The following ADAMDEC1 variants were observed in gnomAD, a reference collection of about 807,000 sequenced individuals.
ADAMDEC1 encodes the protein ADAM DEC1.
A neutral mutation model predicts 60.4 loss-of-function variants in ADAMDEC1; 62 were observed. The ratio of observed to expected loss-of-function variants is 1.03; its 90% CI spans 0.84 to 1.27. The LOEUF is 1.27. ADAMDEC1 is among the 50% of genes most tolerant of loss of function. ADAMDEC1 has a pLI of 0.00. For synonymous variants in ADAMDEC1, 210 were observed against 195.1 expected, an observed-to-expected ratio of 1.08 and a Z score of -0.64; for missense variants, 595 against 565.0, an observed-to-expected ratio of 1.05 and a Z score of -0.54.
chr8:24,400,970 CA>C (rs1237273070), intron 11 of ADAMDEC1, among the ~76,000 whole-genome samples: 3 of 125,058 alleles, frequency 2.4e-5, no homozygotes, highest in Non-Finnish European at 5.5e-5. Flanking sequence ...ATGAACTCAT[CA>C]TTTTTTTATG....
intron 11 of ADAMDEC1, among the ~76,000 whole-genome samples, chr8:24,400,971 A>AT (rs11350280): frequency 6.6e-6 from 1 of 151,514 alleles, no homozygotes; most frequent in African/African-American, 2.4e-5. Flanking sequence ...TGAACTCATC[A>AT]TTTTTTTATG....
chr8:24,390,707 G>A (rs62499987), intron 1 of ADAMDEC1, among the ~76,000 whole-genome samples: 36,403 of 145,312 alleles, frequency 0.25, 5,549 homozygotes, highest in Non-Finnish European at 0.33. Context: ...GTGACAGAGC[G>A]AGACTCTGTC....
At chr8:24,384,920 C>T (rs891106405) in intron 1 of ADAMDEC1, among the ~76,000 whole-genome samples, 4 of 152,124 alleles carry the variant, frequency 2.6e-5, no homozygotes, top group African/African-American at 4.8e-5. Flanking sequence ...TTGTTCCATT[C>T]ATTATGTCTT....
At chr8:24,393,396 A>G (rs1817501834) in intron 3 of ADAMDEC1, 58 bp downstream of exon 3, 3 of 1,232,786 alleles carry the variant, frequency 2.4e-6, no homozygotes, top group African/African-American at 3.0e-5. Flanking sequence ...TTGGGGAGCA[A>G]TCTTTTTGAG....
At chr8:24,386,655 C>A (rs1330717588) in intron 1 of ADAMDEC1, among the ~76,000 whole-genome samples, 1 of 152,196 alleles carries the variant, frequency 6.6e-6, no homozygotes, top group Non-Finnish European at 1.5e-5. Context: ...ATTGACCTAA[C>A]ATTTTCCCTC....
In ADAMDEC1 at chr8:24,392,137, GCTCTCTACA is replaced by G. The variant is rs554358607; in HGVS notation, c.89-124_89-116del. ...AATTAACTTGTTATTCATAATGTTT[GCTCTCTACA>G]TAGGAATGTAGTCTTCACTGCTCTT... On this transcript the variant is annotated intron_variant, in intron 1 of 13. Transcript: ENST00000256412. The G allele has an allele frequency of 1.4e-4, 76 of 552,344 alleles. 2 individuals are homozygous for G. The South Asian group carries it at 2.5e-3, about 18-fold the overall frequency. 34.2% of individuals were successfully genotyped at this position (552,344 alleles called of 1,614,324 possible).
At chr8:24,396,425 T>G (rs950059188) in intron 5 of ADAMDEC1, among the ~76,000 whole-genome samples, 1 of 152,008 alleles carries the variant, frequency 6.6e-6, no homozygotes, top group South Asian at 2.1e-4. Context: ...GGCAGGAGAA[T>G]GGCATGAACC....
At chr8:24,399,569 T>C (rs1022152966) in intron 10 of ADAMDEC1, 95 bp downstream of exon 10, 1 of 1,011,790 alleles carries the variant, frequency 9.9e-7, no homozygotes, top group Non-Finnish European at 1.6e-6. Context: ...GAACATTTGC[T>C]GAATCAATGA....
At chr8:24,396,894 C>G (rs918665991) in intron 5 of ADAMDEC1, among the ~76,000 whole-genome samples, 1 of 152,164 alleles carries the variant, frequency 6.6e-6, no homozygotes, top group Non-Finnish European at 1.5e-5. Context: ...CATTCATGTT[C>G]CCCTCTGGGG....
chr8:24,388,769 G>A (rs1030103382), intron 1 of ADAMDEC1, among the ~76,000 whole-genome samples: 2 of 152,150 alleles, frequency 1.3e-5, no homozygotes, highest in African/African-American at 4.8e-5. Flanking sequence ...CCACTTAGAT[G>A]CTGTTTCATG....
intron 13 of ADAMDEC1, among the ~76,000 whole-genome samples, chr8:24,404,416 A>G (rs558433674): frequency 6.6e-6 from 1 of 152,206 alleles, no homozygotes; most frequent in South Asian, 2.1e-4. Flanking sequence ...AAACAGCCTC[A>G]GTTGATGAGC....
rs2129362522 is a variant in ADAMDEC1 at position 24,402,075 on chromosome 8, G to C, written c.1303G>C (p.Asp435His). ...NHLLEVGEDC[D>H]CGSPKECTNL... ...CCTTCTAGAAGTGGGAGAAGACTGT[G>C]ATTGTGGCTCTCCTAAGGTATTATT... Residue 435 changes from aspartate (D) to histidine (H), a missense_variant, in exon 12 of 14, where the codon GAT becomes CAT. Physicochemically the swap from Asp to His is moderately conservative, Grantham distance 81. Transcript: ENST00000256412. 6.2e-7 allele frequency: 1 copy of C among 1,610,826 alleles called. No homozygotes were observed. The highest frequency in any genetic ancestry group is 2.2e-5 in the East Asian group (1 of 44,776).
chr8:24,390,959 A>C (rs1194071422), intron 1 of ADAMDEC1, among the ~76,000 whole-genome samples: 1 of 152,172 alleles, frequency 6.6e-6, no homozygotes, highest in African/African-American at 2.4e-5. Flanking sequence ...GATTAGTGCT[A>C]ACGTTGGGAC....
rs200469454 is a variant in ADAMDEC1, at chr8:24,399,022, A to G, written c.911A>G (p.Asp304Gly). 2.2e-5 allele frequency: 35 copies of G among 1,612,976 alleles called. No individual in the cohort carries two copies. Among genetic ancestry groups the G allele is most frequent in the Non-Finnish European group, 2.8e-5 (33 of 1,179,550 alleles). ...TCTAACCTGGGGAAAAAGATCCACG[A>G]CCATGCTCAGCTTCTCAGGTGAGCA... ...HSSNLGKKIH[D>G]HAQLLSGISF... The change falls in exon 9 of 14, where the codon GAC becomes GGC. Residue 304 changes from aspartate (D) to glycine (G), a missense_variant. By Grantham distance (94) the Asp-to-Gly change is moderately conservative (BLOSUM62 -1). Coordinates refer to ENST00000256412, the MANE Select transcript of ADAMDEC1 (RefSeq NM_014479.3).
At chr8:24,404,262 G>A (rs1817836274) in intron 13 of ADAMDEC1, among the ~76,000 whole-genome samples, 174 bp downstream of exon 13, 2 of 152,176 alleles carry the variant, frequency 1.3e-5, no homozygotes, top group South Asian at 4.1e-4. Flanking sequence ...ACTAAGGATT[G>A]TAGACAAACA....
At chr8:24,388,073 C>T (rs958675100) in intron 1 of ADAMDEC1, 1 of 152,542 alleles carries the variant, frequency 6.6e-6, no homozygotes, top group African/African-American at 2.4e-5. Context: ...GATCAAAGGT[C>T]AGTTCCAGGT....
intron 12 of ADAMDEC1, among the ~76,000 whole-genome samples, chr8:24,403,216 C>A (rs1318277357): frequency 6.6e-6 from 1 of 152,032 alleles, no homozygotes; most frequent in Non-Finnish European, 1.5e-5. Flanking sequence ...CCAGAGAGTT[C>A]AGGCTTAGGA....
Position 24,393,350 on chromosome 8 carries a change from C to A in ADAMDEC1, c.284+12C>A, listed in dbSNP as rs370009196. On this transcript the variant is annotated intron_variant, in intron 3 of 13. Coordinates refer to ENST00000256412, the MANE Select transcript of ADAMDEC1 (RefSeq NM_014479.3). ...CTACAAAAAACCAAGTAAGTTGTAC[C>A]TCCTAAAAGTCTAATCACTGGATTA... 4.0e-5 allele frequency: 61 copies of A among 1,543,056 alleles called. No individual in the cohort carries two copies. Among genetic ancestry groups the A allele is most frequent in the Middle Eastern group, 3.4e-4 (2 of 5,898 alleles).
At position 24,392,276 on chromosome 8, in the gene ADAMDEC1, C is replaced by T. The variant is rs772783115; in HGVS notation, c.103C>T (p.Gln35Ter). 6.2e-7 allele frequency: 1 copy of T among 1,608,572 alleles called. No homozygotes were observed. Among genetic ancestry groups the T allele is most frequent in the African/African-American group, 1.3e-5 (1 of 74,668 alleles). Residue 35 changes from glutamine to a stop codon, truncating the protein, a stop_gained, in exon 2 of 14, where the codon CAA (glutamine) becomes TAA (stop). Coordinates refer to ENST00000256412, the MANE Select transcript of ADAMDEC1 (RefSeq NM_014479.3). LOFTEE classifies it high-confidence loss of function. ...IVQTQAIAIK[Q>*]TPELTLHEIV... ...TCTTTCTCTAGCAATAGCCATAAAG[C>T]AAACACCTGAATTAACGCTCCATGA...
Sources: allele counts gnomAD v4.1 joint callset (sites outside exome capture counted in the v4.1 genomes callset), GRCh38; gene constraint gnomAD v4.1.1; transcripts MANE v1.5; gene names NCBI Gene and HGNC (gene_info 2026-07-23, HGNC 2026-07-21).